Variants in ASTN2 observed in about 807,000 individuals in gnomAD.
ASTN2 encodes astrotactin 2.
A neutral mutation model predicts 139.8 loss-of-function variants in ASTN2; 54 were observed. The observed-to-expected ratio is 0.39, with a 90% CI of 0.31 to 0.48. ASTN2 has a LOEUF of 0.48. ASTN2 is among the 20% of genes least tolerant of loss of function. The probability of loss-of-function intolerance (pLI) is 0.95; values close to 1 mark genes in which losing one functional copy is unlikely to be tolerated. For missense variants in ASTN2, 1,565 were observed against 1,725.1 expected, an observed-to-expected ratio of 0.91 and a Z score of 1.64; for synonymous variants, 756 against 719.5, an observed-to-expected ratio of 1.05 and a Z score of -0.81.
chr9:116,832,032 T>A (rs937108618), intron 11 of ASTN2, among the ~76,000 whole-genome samples: 29 of 152,220 alleles, frequency 1.9e-4, no homozygotes, highest in Non-Finnish European at 4.1e-4. Context: ...TTTTAGGGAT[T>A]GCAAATGATA....
chr9:116,775,608 A>AAGGAAG (rs1830064932), intron 13 of ASTN2, among the ~76,000 whole-genome samples: 1 of 34,852 alleles, frequency 2.9e-5, no homozygotes, highest in Non-Finnish European at 5.0e-5. Context: ...AGGGAGGGAA[A>AAGGAAG]GAAGGAAGGA....
intron 17 of ASTN2, among the ~76,000 whole-genome samples, chr9:116,636,470 T>C (rs1857078858): frequency 6.6e-6 from 1 of 151,816 alleles, no homozygotes; most frequent in Non-Finnish European, 1.5e-5. Flanking sequence ...AGGTCAGGAG[T>C]CCTAGACTAG....
Position 116,618,487 on chromosome 9 carries a change from A to G in ASTN2, c.3207-15T>C. On this transcript the variant is annotated splice_polypyrimidine_tract_variant and intron_variant, in intron 18 of 22. Transcript: ENST00000313400. ...ACAGCCGCAGCCTACAGGGAATAAA[A>G]AGGAAGATTCGTGTTTGGCAGCCAG... is the stretch of plus-strand genomic sequence containing the variant. 1 of 1,593,600 alleles carries G rather than the reference A, an allele frequency of 6.3e-7. No homozygotes were observed. The highest frequency in any genetic ancestry group is 8.5e-7 in the Non-Finnish European group (1 of 1,172,404).
At chr9:117,138,765 C>A (rs1830008849) in intron 4 of ASTN2, among the ~76,000 whole-genome samples, 1 of 152,186 alleles carries the variant, frequency 6.6e-6, no homozygotes, top group South Asian at 2.1e-4. Flanking sequence ...TTCTGAGACC[C>A]CATCTAACTT....
chr9:116,801,731 A>G (rs374228295), intron 13 of ASTN2, among the ~76,000 whole-genome samples: 1 of 152,012 alleles, frequency 6.6e-6, no homozygotes, highest in African/African-American at 2.4e-5. Context: ...TTCCAAGAGG[A>G]TACATGGTCT....
intron 10 of ASTN2, among the ~76,000 whole-genome samples, chr9:116,933,979 C>CTTTTTTTTTTGTTTTTTTTTTTTTTT (rs1834987596): frequency 1.2e-5 from 1 of 86,910 alleles, no homozygotes; most frequent in Non-Finnish European, 2.2e-5. Flanking sequence ...AGTGTTAGTC[C>CTTTTTTTTTTGTTTTTTTTTTTTTTT]TTTTTTTTTT....
rs149512290 is a variant in ASTN2, at chr9:117,354,158, G to A, written c.442+60339C>T. ...TGGTGGGGAAGGGCGGAAGGTACTC[G>A]GGAGTATAAGGAACTCTCTGTACTT... On this transcript the variant is annotated intron_variant, in intron 1 of 22. Coordinates refer to ENST00000313400, the MANE Select transcript of ASTN2 (RefSeq NM_001365068.1). Among the ~76,000 whole-genome samples the A allele has an allele frequency of 8.8e-3, 1,340 of 152,180 alleles. 24 individuals are homozygous for A. Among genetic ancestry groups the A allele is most frequent in the African/African-American group, 0.031 (1,268 of 41,518 alleles).
chr9:116,702,783 A>G (rs1180719905), intron 16 of ASTN2, among the ~76,000 whole-genome samples: 1 of 152,148 alleles, frequency 6.6e-6, no homozygotes, highest in Non-Finnish European at 1.5e-5. Flanking sequence ...GAGTGGTTAC[A>G]TAGAATTTAA....
At chr9:117,078,231 T>C (rs918712570) in intron 5 of ASTN2, among the ~76,000 whole-genome samples, 1 of 152,226 alleles carries the variant, frequency 6.6e-6, no homozygotes, top group East Asian at 1.9e-4. Flanking sequence ...CTTTATATAT[T>C]AGGAAACTGA....
intron 10 of ASTN2, among the ~76,000 whole-genome samples, chr9:116,951,426 A>G (rs938760280): frequency 2.6e-5 from 4 of 151,300 alleles, no homozygotes; most frequent in African/African-American, 9.7e-5. Flanking sequence ...CATCATCACC[A>G]ATCATGTGGA....
At chr9:117,219,999 C>G (rs1832461915) in intron 2 of ASTN2, among the ~76,000 whole-genome samples, 1 of 152,138 alleles carries the variant, frequency 6.6e-6, no homozygotes, top group South Asian at 2.1e-4. Flanking sequence ...ATTTTACTTC[C>G]TTGGACTGCA....
At chr9:117,095,921 C>T in intron 5 of ASTN2, 123 bp downstream of exon 5, 2 of 816,788 alleles carry the variant, frequency 2.4e-6, no homozygotes, top group Non-Finnish European at 2.0e-6. Flanking sequence ...ATACTAAGCT[C>T]AGTTTTAACC....
intron 19 of ASTN2, among the ~76,000 whole-genome samples, chr9:116,590,422 C>G (rs2131731279): frequency 6.6e-6 from 1 of 152,362 alleles, no homozygotes; most frequent in African/African-American, 2.4e-5. Context: ...CCCCCTGTTG[C>G]CTTGGCCCTC....
chr9:116,542,944 C>T (rs1041876078), intron 19 of ASTN2, among the ~76,000 whole-genome samples: 5 of 151,848 alleles, frequency 3.3e-5, no homozygotes, highest in African/African-American at 1.2e-4. Flanking sequence ...AAACAAAAGA[C>T]TATTATTTTT....
chr9:116,777,826 A>T (rs890731996), intron 13 of ASTN2, among the ~76,000 whole-genome samples: 2 of 150,726 alleles, frequency 1.3e-5, no homozygotes, highest in Admixed American at 6.7e-5. Context: ...AGCAAATTGC[A>T]TTACTTTCTC....
At chr9:116,595,198 C>A (rs1854515533) in intron 19 of ASTN2, among the ~76,000 whole-genome samples, 1 of 152,218 alleles carries the variant, frequency 6.6e-6, no homozygotes, top group Non-Finnish European at 1.5e-5. Context: ...AACTTGGCAT[C>A]TAGGTGTTCA....
intron 19 of ASTN2, among the ~76,000 whole-genome samples, chr9:116,488,622 GA>G (rs1849413598): frequency 6.6e-6 from 1 of 152,138 alleles, no homozygotes; most frequent in Admixed American, 6.5e-5. Flanking sequence ...GAAAGAATAT[GA>G]AAGGATATTT....
At chr9:116,985,269 C>T (rs981926400) in intron 7 of ASTN2, among the ~76,000 whole-genome samples, 2 of 152,156 alleles carry the variant, frequency 1.3e-5, no homozygotes, top group Admixed American at 6.5e-5. Flanking sequence ...TTGTAGCTGC[C>T]GGCCCCTTAT....
intron 10 of ASTN2, among the ~76,000 whole-genome samples, chr9:116,874,989 G>GT (rs1171822533): frequency 6.6e-6 from 1 of 152,080 alleles, no homozygotes. Context: ...GTAAATATAA[G>GT]GCCTCCCTGT....
Sources: allele counts gnomAD v4.1 joint callset (sites outside exome capture counted in the v4.1 genomes callset), GRCh38; gene constraint gnomAD v4.1.1; transcripts MANE v1.5; gene names NCBI Gene and HGNC (gene_info 2026-07-23, HGNC 2026-07-21).